The following RIMKLB variants were observed in gnomAD, a reference collection of about 807,000 sequenced individuals.
The protein encoded by RIMKLB is beta-citrylglutamate synthase B.
In RIMKLB, 7 loss-of-function variants were observed where a neutral mutation model predicts 32.0. The ratio of observed to expected loss-of-function variants is 0.22; its 90% CI spans 0.12 to 0.41. RIMKLB has a LOEUF of 0.41. Ranked by LOEUF, RIMKLB falls within the 10% of genes least tolerant of loss-of-function variation. The pLI is 1.00. For missense variants in RIMKLB, 289 were observed against 498.7 expected, an observed-to-expected ratio of 0.58 and a Z score of 4.00; for synonymous variants, 172 against 185.1, an observed-to-expected ratio of 0.93 and a Z score of 0.57.
At chr12:8,694,472 T>C (rs1942829738), upstream of RIMKLB, among the ~76,000 whole-genome samples, 1 of 140,194 alleles carries the variant, frequency 7.1e-6, no homozygotes, top group South Asian at 2.3e-4. Flanking sequence ...GTTGGCTTGC[T>C]GCAACCTCCA....
In RIMKLB at chr12:8,743,229, C is replaced by T. The variant is rs145621483; in HGVS notation, c.176-6633C>T. 6.9e-4 allele frequency among the ~76,000 whole-genome samples: 104 copies of T among 151,484 alleles called. 3 individuals are homozygous for T. In the East Asian group the frequency reaches 0.016, roughly 24 times the overall value. On this transcript the variant is annotated intron_variant, in intron 2 of 5. Coordinates refer to ENST00000535829, the MANE Select transcript of RIMKLB (RefSeq NM_001297776.2). ...ATTATCCGGGTGTGGTGATGCTCGCCTGTAATCCCAGCTACTTGGGAGGCT... is the reference window on the plus strand; with the variant it reads ...ATTATCCGGGTGTGGTGATGCTCGCTTGTAATCCCAGCTACTTGGGAGGCT...
intron 2 of RIMKLB, among the ~76,000 whole-genome samples, chr12:8,740,590 T>C (rs1947413612): frequency 1.3e-5 from 2 of 152,244 alleles, no homozygotes; most frequent in Non-Finnish European, 2.9e-5. Flanking sequence ...GAACATACGA[T>C]GTTTGACTTT....
At chr12:8,757,074 T>G (rs773160948) in intron 5 of RIMKLB, among the ~76,000 whole-genome samples, 2 of 152,344 alleles carry the variant, frequency 1.3e-5, no homozygotes, top group South Asian at 2.1e-4. Context: ...TCCTGCTGAC[T>G]AGCTAGAAGA....
intron 1 of RIMKLB, among the ~76,000 whole-genome samples, chr12:8,691,481 A>C (rs901250778): frequency 6.6e-6 from 1 of 152,044 alleles, no homozygotes; most frequent in Non-Finnish European, 1.5e-5. Flanking sequence ...GCAGTGGTGC[A>C]TGCCTGTAAT....
upstream of RIMKLB, among the ~76,000 whole-genome samples, chr12:8,694,789 A>G (rs1417807084): frequency 6.6e-6 from 1 of 152,216 alleles, no homozygotes; most frequent in African/African-American, 2.4e-5. Flanking sequence ...TCTCAAAGAC[A>G]TTACTTACCT....
intron 3 of RIMKLB, 119 bp downstream of exon 3, chr12:8,750,211 A>T (rs1788589943): frequency 3.5e-6 from 2 of 568,844 alleles, no homozygotes; most frequent in Admixed American, 5.9e-5. Context: ...AACACACTGG[A>T]CAGGATAATT....
At chr12:8,751,486 T>A (rs1299086718) in intron 3 of RIMKLB, among the ~76,000 whole-genome samples, 2 of 152,142 alleles carry the variant, frequency 1.3e-5, no homozygotes, top group Non-Finnish European at 2.9e-5. Context: ...TGATTAGTAA[T>A]GGAGATAAGA....
upstream of RIMKLB, among the ~76,000 whole-genome samples, chr12:8,696,771 A>ATTTTT (rs1942904956): frequency 6.6e-6 from 1 of 152,210 alleles, no homozygotes; most frequent in African/African-American, 2.4e-5. Flanking sequence ...AAAGCAGAAA[A>ATTTTT]TGAAATTATA....
chr12:8,752,790 G>T (rs1948727836), intron 4 of RIMKLB, among the ~76,000 whole-genome samples: 1 of 151,652 alleles, frequency 6.6e-6, no homozygotes, highest in Non-Finnish European at 1.5e-5. Flanking sequence ...GCCCAGGCTG[G>T]AGTGCAGTGG....
chr12:8,761,375 T>A (rs1949507807), intron 5 of RIMKLB, among the ~76,000 whole-genome samples: 1 of 151,966 alleles, frequency 6.6e-6, no homozygotes, highest in South Asian at 2.1e-4. Context: ...AATTACCGAA[T>A]TTGTTTTTTT....
Position 8,713,802 on chromosome 12 carries a change from T to C in RIMKLB, c.-56-9T>C. 6.6e-7 allele frequency: 1 copy of C among 1,506,302 alleles called. No homozygotes were observed. The highest frequency in any genetic ancestry group is 9.2e-7 in the Non-Finnish European group (1 of 1,083,530). 93.3% of individuals were successfully genotyped at this position (1,506,302 alleles called of 1,614,324 possible). On this transcript the variant is annotated splice_polypyrimidine_tract_variant and intron_variant, in intron 1 of 5. Transcript: ENST00000535829. ...TTTACCTTTTATGTATATTTTTTCT[T>C]CCATCTAGGTAGACGTTACATCCAA... is the stretch of plus-strand genomic sequence containing the variant.
At chr12:8,697,949 C>G (rs1335231219), upstream of RIMKLB, 1 of 150,536 alleles carries the variant, frequency 6.6e-6, no homozygotes, top group Non-Finnish European at 1.5e-5. Flanking sequence ...CGGTCTCCGC[C>G]GGCGTCGCGC....
chr12:8,724,002 T>G (rs183211950), intron 2 of RIMKLB, among the ~76,000 whole-genome samples: 3 of 151,986 alleles, frequency 2.0e-5, no homozygotes, highest in Admixed American at 6.6e-5. Context: ...TGTTTTGTTT[T>G]GTTTTGTTTT....
chr12:8,725,978 G>C (rs1357733450), intron 2 of RIMKLB, among the ~76,000 whole-genome samples: 2 of 152,188 alleles, frequency 1.3e-5, no homozygotes, highest in Non-Finnish European at 2.9e-5. Flanking sequence ...CTCCCGAATA[G>C]CTGGGACTAC....
chr12:8,713,198 T>C (rs1944525062), intron 1 of RIMKLB, among the ~76,000 whole-genome samples: 1 of 152,204 alleles, frequency 6.6e-6, no homozygotes, highest in Admixed American at 6.5e-5. Flanking sequence ...ATTTTGGTTA[T>C]TGAGAGCCCT....
intron 1 of RIMKLB, among the ~76,000 whole-genome samples, chr12:8,706,507 A>T (rs1298572218): frequency 2.0e-5 from 3 of 149,588 alleles, no homozygotes; most frequent in Non-Finnish European, 4.4e-5. Flanking sequence ...CTGGAGTGCA[A>T]TGGCACAATC....
chr12:8,688,120 A>G (rs1389578553), intron 1 of RIMKLB, among the ~76,000 whole-genome samples: 2 of 152,220 alleles, frequency 1.3e-5, no homozygotes, highest in African/African-American at 4.8e-5. Context: ...TGTGAAATGT[A>G]TGAGAATGTA....
chr12:8,701,983 G>A (rs189613710), intron 1 of RIMKLB, among the ~76,000 whole-genome samples: 36 of 151,228 alleles, frequency 2.4e-4, no homozygotes, highest in Middle Eastern at 3.4e-3. Flanking sequence ...TCAAGTCTGG[G>A]TCAAAGAGCA....
chr12:8,729,602 A>T (rs906384253), intron 2 of RIMKLB, among the ~76,000 whole-genome samples: 14 of 152,114 alleles, frequency 9.2e-5, no homozygotes, highest in African/African-American at 3.1e-4. Context: ...GAAAACAGGG[A>T]TGTAAATTCT....
Sources: allele counts gnomAD v4.1 joint callset (sites outside exome capture counted in the v4.1 genomes callset), GRCh38; gene constraint gnomAD v4.1.1; transcripts MANE v1.5; gene names NCBI Gene and HGNC (gene_info 2026-07-23, HGNC 2026-07-21).